The following ACACA variants were observed in gnomAD, a reference collection of about 807,000 sequenced individuals.
The protein encoded by ACACA is acetyl-CoA carboxylase 1.
In ACACA, 103 loss-of-function variants were observed where a neutral mutation model predicts 296.1. The observed-to-expected ratio is 0.35, with a 90% CI of 0.30 to 0.41. The LOEUF is 0.41. ACACA is among the 10% of genes least tolerant of loss of function. The pLI, the probability that ACACA is intolerant of heterozygous loss-of-function variation, is 1.00. For synonymous variants in ACACA, 953 were observed against 1,038.6 expected (o/e 0.92, Z 1.58); for missense variants, 1,554 against 2,989.7 (o/e 0.52, Z 11.20).
At chr17:37,364,598 A>AAAAAAAAAGAAAAAG (rs796591068) in intron 1 of ACACA, among the ~76,000 whole-genome samples, 2,320 of 136,926 alleles carry the variant, frequency 0.017, 86 homozygotes, top group African/African-American at 0.058. Context: ...CTCAAAAAAA[A>AAAAAAAAAGAAAAAG]AAAAAAAGAA....
At chr17:37,088,394 G>A (rs889489013) in intron 55 of ACACA, among the ~76,000 whole-genome samples, 7 of 152,110 alleles carry the variant, frequency 4.6e-5, no homozygotes, top group South Asian at 2.1e-4. Flanking sequence ...ATATAGCAAC[G>A]GGGAGAAAAT....
intron 1 of ACACA, chr17:37,392,276 C>T (rs2050915280): frequency 6.5e-6 from 1 of 153,200 alleles, no homozygotes; most frequent in Non-Finnish European, 1.5e-5. Flanking sequence ...CATAAGTTAT[C>T]CCCAAGGGGT....
intron 1 of ACACA, among the ~76,000 whole-genome samples, chr17:37,371,396 C>CA (rs1431299514): frequency 6.6e-6 from 1 of 151,774 alleles, no homozygotes; most frequent in East Asian, 1.9e-4. Flanking sequence ...AATGATTTTA[C>CA]AAAACATGGA....
At chr17:37,240,224 A>G (rs1294008043) in intron 24 of ACACA, among the ~76,000 whole-genome samples, 1 of 152,180 alleles carries the variant, frequency 6.6e-6, no homozygotes, top group East Asian at 1.9e-4. Context: ...CTATTAGAAA[A>G]ATTACTTCAG....
chr17:37,167,457 T>A (rs139320597), intron 41 of ACACA, among the ~76,000 whole-genome samples: 1 of 150,842 alleles, frequency 6.6e-6, no homozygotes, highest in African/African-American at 2.4e-5. Context: ...TAACTAGGAT[T>A]ACAGGCACGT....
chr17:37,384,573 A>C (rs1333205730), intron 1 of ACACA, among the ~76,000 whole-genome samples: 6 of 152,092 alleles, frequency 3.9e-5, no homozygotes, highest in East Asian at 3.8e-4. Flanking sequence ...AAAAAAAAAA[A>C]CACAGATAAC....
At chr17:37,177,990 AG>A (rs1393285517) in intron 41 of ACACA, among the ~76,000 whole-genome samples, 1 of 152,252 alleles carries the variant, frequency 6.6e-6, no homozygotes, top group Non-Finnish European at 1.5e-5. Context: ...TGAGCAAAAT[AG>A]AAACAAACTG....
intron 2 of ACACA, among the ~76,000 whole-genome samples, chr17:37,333,615 C>A (rs1464188289): frequency 6.6e-6 from 1 of 151,740 alleles, no homozygotes; most frequent in African/African-American, 2.4e-5. Flanking sequence ...TTACTTAAAA[C>A]CCTTCACCAA....
At chr17:37,152,320 T>G (rs2076077454) in intron 43 of ACACA, among the ~76,000 whole-genome samples, 2 of 152,176 alleles carry the variant, frequency 1.3e-5, no homozygotes, top group African/African-American at 4.8e-5. Flanking sequence ...TCAATGTATA[T>G]CTCTATAATG....
chr17:37,193,782 G>A (rs1398641243), intron 35 of ACACA, among the ~76,000 whole-genome samples: 1 of 152,064 alleles, frequency 6.6e-6, no homozygotes, highest in African/African-American at 2.4e-5. Flanking sequence ...TGCAATAGTA[G>A]TTAATGGACT....
At chr17:37,320,461 A>G (rs573069956) in intron 3 of ACACA, among the ~76,000 whole-genome samples, 1 of 150,978 alleles carries the variant, frequency 6.6e-6, no homozygotes, top group East Asian at 2.0e-4. Flanking sequence ...CAGTGAGCCG[A>G]GATCACACCA....
chr17:37,331,845 G>T (rs2047899666), intron 2 of ACACA, among the ~76,000 whole-genome samples: 1 of 151,654 alleles, frequency 6.6e-6, no homozygotes. Flanking sequence ...CCTGGCCTAT[G>T]AATTTTACGT....
At chr17:37,216,214 A>G (rs974291712) in intron 29 of ACACA, among the ~76,000 whole-genome samples, 1,761 of 145,024 alleles carry the variant, frequency 0.012, 38 homozygotes, top group African/African-American at 0.044. Context: ...GTGTGTATAT[A>G]TATATATATA....
intron 1 of ACACA, among the ~76,000 whole-genome samples, chr17:37,366,184 C>G (rs1183967725): frequency 1.3e-5 from 2 of 152,106 alleles, no homozygotes; most frequent in Non-Finnish European, 2.9e-5. Flanking sequence ...CTGCCCCATC[C>G]CTACCTTCTC....
rs1198912820 is a variant in ACACA, at chr17:37,247,901, T to A, written c.2309+110A>T. On this transcript the variant is annotated intron_variant, in intron 18 of 55. Coordinates refer to ENST00000616317, the MANE Select transcript of ACACA (RefSeq NM_198834.3). The stretch of plus-strand genomic sequence containing the variant: ...GTGCATGTACTATTTTTTTTTTTTT[T>A]AACTACAAATGAGTACCAAGAAAAG... The A allele has an allele frequency of 1.4e-5, 19 of 1,314,320 alleles. No individual in the cohort carries two copies. The East Asian group carries it at 4.1e-4, about 28-fold the overall frequency. The allele number at this position is 1,314,320 out of a possible 1,614,324, so 81.4% of individuals were successfully genotyped here.
intron 50 of ACACA, among the ~76,000 whole-genome samples, chr17:37,117,903 C>T (rs888998175): frequency 6.6e-6 from 1 of 151,954 alleles, no homozygotes; most frequent in Non-Finnish European, 1.5e-5. Context: ...GTGCAGTCGG[C>T]TCCTGGCTGT....
At chr17:37,250,098 C>A (rs2080911891) in intron 16 of ACACA, among the ~76,000 whole-genome samples, 1 of 152,178 alleles carries the variant, frequency 6.6e-6, no homozygotes, top group South Asian at 2.1e-4. Flanking sequence ...AACTTCTTTC[C>A]TTTATAAATT....
chr17:37,289,244 A>C (rs1197741579), intron 3 of ACACA, among the ~76,000 whole-genome samples: 3 of 151,884 alleles, frequency 2.0e-5, no homozygotes, highest in Non-Finnish European at 4.4e-5. Context: ...CCTGGGTGAC[A>C]GAGTTAGACT....
At chr17:37,337,449 TA>T (rs1373108811) in intron 2 of ACACA, among the ~76,000 whole-genome samples, 18 of 147,440 alleles carry the variant, frequency 1.2e-4, no homozygotes, top group Non-Finnish European at 2.5e-4. Flanking sequence ...TAAAGAAAAC[TA>T]TAGACATTTC....
Sources: allele counts gnomAD v4.1 joint callset (sites outside exome capture counted in the v4.1 genomes callset), GRCh38; gene constraint gnomAD v4.1.1; transcripts MANE v1.5; gene names NCBI Gene and HGNC (gene_info 2026-07-23, HGNC 2026-07-21).